The following PCDHA2 variants were observed in gnomAD, a reference collection of about 807,000 sequenced individuals.
The protein encoded by PCDHA2 is protocadherin alpha-2.
In PCDHA2, 58 loss-of-function variants were observed where a neutral mutation model predicts 66.0. The ratio of observed to expected loss-of-function variants is 0.88; its 90% CI spans 0.71 to 1.09. The LOEUF (loss-of-function observed/expected upper bound fraction) is 1.09. Among genes scored for constraint, PCDHA2 ranks in the 50% least tolerant of loss-of-function variants. PCDHA2 has a pLI of 0.00. For synonymous variants in PCDHA2, 634 were observed against 554.0 expected, an observed-to-expected ratio of 1.14 and a Z score of -2.03; for missense variants, 1,267 against 1,242.3, an observed-to-expected ratio of 1.02 and a Z score of -0.30.
At chr5:140,823,018 G>A in intron 1 of PCDHA2, 1 of 1,614,236 alleles carries the variant, frequency 6.2e-7, no homozygotes, top group East Asian at 2.2e-5. Context: ...CCTGGACCGC[G>A]AGAGCGTGTC....
chr5:140,957,736 C>T (rs1001757062), intron 1 of PCDHA2, among the ~76,000 whole-genome samples: 3 of 151,944 alleles, frequency 2.0e-5, no homozygotes, highest in Non-Finnish European at 4.4e-5. Context: ...ATTATATATA[C>T]TGACATGAAA....
intron 1 of PCDHA2, chr5:140,848,709 G>T: frequency 6.3e-7 from 1 of 1,592,420 alleles, no homozygotes; most frequent in African/African-American, 1.3e-5. Context: ...CAAAGGCCGC[G>T]GGGACCTTCT....
intron 1 of PCDHA2, among the ~76,000 whole-genome samples, chr5:140,800,807 T>C (rs1554121218): frequency 6.6e-6 from 1 of 152,234 alleles, no homozygotes; most frequent in African/African-American, 2.4e-5. Context: ...CACAATATTT[T>C]AGTGTATGTC....
In PCDHA2 at chr5:140,796,847, C is replaced by A. The variant is rs782019473; in HGVS notation, c.1883C>A (p.Thr628Lys). Residue 628 changes from threonine to lysine, a missense_variant, in exon 1 of 4, where the codon ACG becomes AAG. By Grantham distance (78) the Thr-to-Lys change is moderately conservative. Coordinates refer to ENST00000526136, the MANE Select transcript of PCDHA2 (RefSeq NM_018905.3). ...ATCCCGTTCCGCGTGGGGCTATACA[C>A]GGGTGAGATCAGCACGACACGTGCC... The part of the protein sequence containing the change: ...ARIPFRVGLY[T>K]GEISTTRALD... 17 of 1,613,950 alleles carry A rather than the reference C, an allele frequency of 1.1e-5. No homozygotes were observed. In the South Asian group the frequency reaches 1.8e-4, roughly 17 times the overall value.
intron 1 of PCDHA2, chr5:140,852,892 T>C: frequency 1.1e-6 from 1 of 911,000 alleles, no homozygotes; most frequent in Non-Finnish European, 1.3e-6. Context: ...CGTATTTTTT[T>C]TTTTGAGTCA....
rs2150118924 is a variant in PCDHA2, at chr5:140,822,737, C to A, written c.2388+25385C>A. The A allele has an allele frequency of 1.9e-6, 3 of 1,613,148 alleles. 1 individual carries two copies. The South Asian group carries it at 3.3e-5, about 18-fold the overall frequency. ...AACTCATATGAAATTAATATTGATG[C>A]CATGGATAAAAGTACATTCCCATTA... On this transcript the variant is annotated intron_variant, in intron 1 of 3. Coordinates refer to ENST00000526136, the MANE Select transcript of PCDHA2 (RefSeq NM_018905.3).
intron 1 of PCDHA2, among the ~76,000 whole-genome samples, chr5:140,944,025 A>C (rs981840753): frequency 6.6e-6 from 1 of 152,236 alleles, no homozygotes; most frequent in Admixed American, 6.5e-5. Flanking sequence ...AATTATCTTC[A>C]AAATATGGAA....
intron 1 of PCDHA2, among the ~76,000 whole-genome samples, chr5:140,798,116 C>T (rs1342948436): frequency 2.6e-5 from 4 of 152,148 alleles, no homozygotes; most frequent in African/African-American, 9.7e-5. Flanking sequence ...AAGTGATCCA[C>T]CCTCCTAGGC....
intron 1 of PCDHA2, chr5:140,870,549 C>T: frequency 2.5e-6 from 4 of 1,614,062 alleles, no homozygotes; most frequent in Non-Finnish European, 3.4e-6. Context: ...GGGACGCGGA[C>T]GCGCAGGAGA....
At chr5:140,877,992 A>G (rs572306139) in intron 1 of PCDHA2, 7 of 1,096,526 alleles carry the variant, frequency 6.4e-6, no homozygotes, top group Non-Finnish European at 8.6e-6. Flanking sequence ...TTGAACTTTT[A>G]TGTATTTGTC....
chr5:140,864,688 C>G (rs1324668554), intron 1 of PCDHA2: 2 of 152,164 alleles, frequency 1.3e-5, no homozygotes, highest in Admixed American at 1.3e-4. Context: ...CTGCTGTCCT[C>G]CAGTTTAAGT....
chr5:140,823,570 G>A lies in PCDHA2; in HGVS notation c.2388+26218G>A, dbSNP rs2150127003. The A allele has an allele frequency of 1.9e-5, 31 of 1,613,864 alleles. No homozygotes were observed. Among genetic ancestry groups the A allele is most frequent in the Non-Finnish European group, 2.6e-5 (31 of 1,179,924 alleles). ...GGCGAAGGTGCGCGCAGTGGACCCT[G>A]ATTCGGGCTACAACGCTTGGCTTTC... is the stretch of plus-strand genomic sequence containing the variant. On this transcript the variant is annotated intron_variant, in intron 1 of 3. Coordinates refer to ENST00000526136, the MANE Select transcript of PCDHA2 (RefSeq NM_018905.3).
chr5:140,927,607 C>T, intron 1 of PCDHA2: 2 of 1,614,180 alleles, frequency 1.2e-6, no homozygotes, highest in Non-Finnish European at 8.5e-7. Flanking sequence ...CTCCGTATAC[C>T]GCACCAAGGT....
intron 1 of PCDHA2, chr5:140,824,483 G>T (rs906955863): frequency 8.2e-6 from 3 of 366,610 alleles, no homozygotes; most frequent in Non-Finnish European, 1.5e-5. Context: ...TTATTTTTTA[G>T]AGACCCTTTG....
chr5:140,911,724 C>T (rs1255448143), intron 1 of PCDHA2, among the ~76,000 whole-genome samples: 1 of 151,192 alleles, frequency 6.6e-6, no homozygotes, highest in Non-Finnish European at 1.5e-5. Context: ...ACTCTGTAAA[C>T]AGTTCGTGCC....
At chr5:140,918,897 C>A (rs1381764249) in intron 1 of PCDHA2, among the ~76,000 whole-genome samples, 1 of 152,196 alleles carries the variant, frequency 6.6e-6, no homozygotes, top group Admixed American at 6.5e-5. Context: ...AAAAATAAAT[C>A]TCTCTTGTTT....
Position 140,858,345 on chromosome 5 carries a change from A to G in PCDHA2, c.2388+60993A>G, listed in dbSNP as rs782668038. 4 of 1,594,626 alleles carry G rather than the reference A, an allele frequency of 2.5e-6. 1 individual carries two copies. The African/African-American group carries it at 5.4e-5, about 21-fold the overall frequency. On this transcript the variant is annotated intron_variant, in intron 1 of 3. Coordinates refer to ENST00000526136, the MANE Select transcript of PCDHA2 (RefSeq NM_018905.3). ...TCTGGGGAGGGCCTGCCCAAGGCGGACCTCATGGCCTTCAGCCCCAGCCTT... is the reference window on the plus strand; with the variant it reads ...TCTGGGGAGGGCCTGCCCAAGGCGGGCCTCATGGCCTTCAGCCCCAGCCTT...
chr5:140,942,115 A>T (rs1440934670), intron 1 of PCDHA2, among the ~76,000 whole-genome samples: 2 of 152,232 alleles, frequency 1.3e-5, no homozygotes, highest in Non-Finnish European at 2.9e-5. Flanking sequence ...ATCAAACTTT[A>T]TTAAAGGTGA....
chr5:140,897,289 C>T (rs1027792864), intron 1 of PCDHA2, among the ~76,000 whole-genome samples: 2 of 150,912 alleles, frequency 1.3e-5, no homozygotes, highest in Non-Finnish European at 3.0e-5. Flanking sequence ...CCCATTAACT[C>T]GTCATTTAGC....
Sources: allele counts gnomAD v4.1 joint callset (sites outside exome capture counted in the v4.1 genomes callset), GRCh38; gene constraint gnomAD v4.1.1; transcripts MANE v1.5; gene names NCBI Gene and HGNC (gene_info 2026-07-23, HGNC 2026-07-21).